Variants in NCKAP5 observed in about 807,000 individuals in gnomAD.
NCKAP5 encodes the protein NCK associated protein 5, also known as nck-associated protein 5.
In NCKAP5, 92 loss-of-function variants were observed where a neutral mutation model predicts 167.0. That is an observed-to-expected ratio of 0.55 (90% CI 0.47 to 0.66). NCKAP5 has a LOEUF of 0.66. Among genes scored for constraint, NCKAP5 ranks in the 30% least tolerant of loss-of-function variants. The pLI is 0.00. For synonymous variants in NCKAP5, 891 were observed against 877.4 expected (o/e 1.02, Z -0.27); for missense variants, 2,378 against 2,315.0 (o/e 1.03, Z -0.56).
intron 8 of NCKAP5, among the ~76,000 whole-genome samples, chr2:132,950,548 C>T (rs1442820039): frequency 6.6e-6 from 1 of 152,084 alleles, no homozygotes; most frequent in Non-Finnish European, 1.5e-5. Context: ...ACATTCATCT[C>T]AGGAAATACC....
the NCKAP5 span, among the ~76,000 whole-genome samples, chr2:133,579,402 T>C: frequency 4.6e-5 from 7 of 152,300 alleles, no homozygotes; most frequent in Middle Eastern, 3.4e-3. Flanking sequence ...TGGAGACACA[T>C]AGAACTCAAA....
At chr2:133,652,299 G>A in the NCKAP5 span, among the ~76,000 whole-genome samples, 1 of 152,310 alleles carries the variant, frequency 6.6e-6, no homozygotes, top group African/African-American at 2.4e-5. Context: ...ATAGTCCCAA[G>A]GCAACGGAAG....
the NCKAP5 span, among the ~76,000 whole-genome samples, chr2:133,605,066 T>C: frequency 6.6e-6 from 1 of 152,202 alleles, no homozygotes; most frequent in Non-Finnish European, 1.5e-5. Context: ...GCAGTTTTAA[T>C]TAATACAGAT....
At chr2:133,229,401 C>T (rs1390823314) in intron 4 of NCKAP5, among the ~76,000 whole-genome samples, 2 of 152,102 alleles carry the variant, frequency 1.3e-5, no homozygotes, top group Non-Finnish European at 2.9e-5. Flanking sequence ...AAAGCCACTT[C>T]CTAAAGGATA....
At chr2:133,279,032 G>T (rs919439801) in intron 4 of NCKAP5, among the ~76,000 whole-genome samples, 4 of 152,184 alleles carry the variant, frequency 2.6e-5, no homozygotes, top group Non-Finnish European at 4.4e-5. Context: ...GCGACTGTGG[G>T]TAATCATGCA....
Position 133,511,592 on chromosome 2 carries a change from G to A in NCKAP5, c.69+5866C>T, listed in dbSNP as rs114400330. Among the ~76,000 whole-genome samples, 963 of 152,312 alleles carry A rather than the reference G, an allele frequency of 6.3e-3. 8 individuals carry two copies. The highest frequency in any genetic ancestry group is 0.01 in the Middle Eastern group (3 of 294). On this transcript the variant is annotated intron_variant, in intron 3 of 19. Coordinates refer to ENST00000409261, the MANE Select transcript of NCKAP5 (RefSeq NM_207363.3). ...AGGTTGCTAAACCAGGCCAAAGCTA[G>A]TCTATTCCCCACCAGTTACTTTTCT...
At chr2:133,302,570 GA>G (rs1276527176) in intron 4 of NCKAP5, among the ~76,000 whole-genome samples, 1 of 104,042 alleles carries the variant, frequency 9.6e-6, no homozygotes, top group African/African-American at 3.9e-5. Flanking sequence ...TCATAGGTGG[GA>G]ATTGAACAAT....
intron 4 of NCKAP5, among the ~76,000 whole-genome samples, chr2:133,224,291 T>C (rs1269264312): frequency 6.6e-6 from 1 of 152,212 alleles, no homozygotes; most frequent in Non-Finnish European, 1.5e-5. Context: ...TTGTGGTCTT[T>C]CTGCATCCAG....
chr2:133,119,698 T>G (rs369819472), intron 6 of NCKAP5, among the ~76,000 whole-genome samples: 3 of 152,102 alleles, frequency 2.0e-5, no homozygotes, highest in East Asian at 1.9e-4. Flanking sequence ...CCACTTTCTA[T>G]TACAGATTAT....
chr2:133,262,445 T>C (rs2088956112), intron 4 of NCKAP5, among the ~76,000 whole-genome samples: 1 of 152,232 alleles, frequency 6.6e-6, no homozygotes, highest in Non-Finnish European at 1.5e-5. Context: ...TCCCACCTGC[T>C]ACAGTACCTG....
chr2:133,236,788 G>A (rs1040943378), intron 4 of NCKAP5, among the ~76,000 whole-genome samples: 3 of 152,166 alleles, frequency 2.0e-5, no homozygotes, highest in African/African-American at 7.2e-5. Context: ...GGAAGTTCAA[G>A]CTTGGGAATC....
At chr2:133,037,862 T>C (rs1055547194) in intron 6 of NCKAP5, among the ~76,000 whole-genome samples, 7 of 152,100 alleles carry the variant, frequency 4.6e-5, no homozygotes, top group Non-Finnish European at 8.8e-5. Flanking sequence ...AGACAATCCA[T>C]GGAATGGGAG....
chr2:133,650,054 G>A, the NCKAP5 span, among the ~76,000 whole-genome samples: 1 of 152,138 alleles, frequency 6.6e-6, no homozygotes, highest in Non-Finnish European at 1.5e-5. Flanking sequence ...AAAATAAATT[G>A]TGTTTCAATA....
intron 11 of NCKAP5, among the ~76,000 whole-genome samples, chr2:132,805,806 G>T (rs1190173479): frequency 6.6e-6 from 1 of 151,548 alleles, no homozygotes; most frequent in African/African-American, 2.4e-5. Flanking sequence ...AGTTATTGAG[G>T]TACAGGCGGT....
chr2:132,782,168 T>G lies in NCKAP5; in HGVS notation c.4643A>C (p.Lys1548Thr), dbSNP rs1267945704. Residue 1548 changes from lysine to threonine, a missense_variant, in exon 14 of 20, where the codon AAA becomes ACA. Physicochemically the swap from Lys to Thr is moderately conservative, Grantham distance 78 (BLOSUM62 -1). This residue lies in a region of NCKAP5 where 1,325 missense variants were observed against 1,274.5 expected (regional missense o/e 1.04). Transcript: ENST00000409261. ...CTTTTTCTCTTTTTTTCTTTCTGAT[T>G]TTAGTTGTCTGTTTCCAAACCCCAA... The part of the protein sequence containing the change: ...KVLGFGNRQL[K>T]SERKKEKKKP... 1 of 1,610,186 alleles carries G rather than the reference T, an allele frequency of 6.2e-7. No homozygotes were observed. The highest frequency in any genetic ancestry group is 8.5e-7 in the Non-Finnish European group (1 of 1,179,120).
At chr2:133,409,427 G>A (rs1002005571) in intron 3 of NCKAP5, among the ~76,000 whole-genome samples, 1 of 152,156 alleles carries the variant, frequency 6.6e-6, no homozygotes, top group African/African-American at 2.4e-5. Flanking sequence ...AGCAATGCCT[G>A]GACAACAGAC....
chr2:133,411,607 A>G (rs1028868507), intron 3 of NCKAP5, among the ~76,000 whole-genome samples: 9 of 152,174 alleles, frequency 5.9e-5, no homozygotes, highest in Non-Finnish European at 8.8e-5. Context: ...CAGGGCTTGG[A>G]AAAGCTAGCA....
chr2:133,388,986 G>T (rs1254517010), intron 3 of NCKAP5, among the ~76,000 whole-genome samples: 2 of 152,220 alleles, frequency 1.3e-5, no homozygotes, highest in African/African-American at 4.8e-5. Flanking sequence ...GCGCTTCCCA[G>T]GTGAGGTGAT....
At chr2:133,048,363 C>A (rs1033552383) in intron 6 of NCKAP5, among the ~76,000 whole-genome samples, 8 of 152,148 alleles carry the variant, frequency 5.3e-5, no homozygotes, top group African/African-American at 1.9e-4. Flanking sequence ...AGAAGGTATG[C>A]AGTATATGTA....
Sources: allele counts gnomAD v4.1 joint callset (sites outside exome capture counted in the v4.1 genomes callset), GRCh38; gene constraint gnomAD v4.1.1; regional missense constraint gnomAD v4.1.1; transcripts MANE v1.5; gene names NCBI Gene and HGNC (gene_info 2026-07-23, HGNC 2026-07-21).